The following SRGAP2B variants were observed in gnomAD, a reference collection of about 807,000 sequenced individuals.
SRGAP2B encodes the protein SLIT-ROBO Rho GTPase activating protein 2B.
A neutral mutation model predicts 22.2 loss-of-function variants in SRGAP2B; 9 were observed. The observed-to-expected ratio is 0.41, with a 90% CI of 0.24 to 0.71. The LOEUF is 0.71. Ranked by LOEUF, SRGAP2B falls within the 30% of genes least tolerant of loss-of-function variation. The pLI is 0.35. For missense variants in SRGAP2B, 114 were observed against 235.8 expected, an observed-to-expected ratio of 0.48 and a Z score of 3.38; for synonymous variants, 36 against 87.4, an observed-to-expected ratio of 0.41 and a Z score of 3.28.
At chr1:144,965,220 G>C in intron 3 of SRGAP2B, 2 of 806,860 alleles carry the variant, frequency 2.5e-6, no homozygotes, top group Non-Finnish European at 4.2e-6. Context: ...CGACACAGAA[G>C]ACGGGTGATT....
chr1:145,056,946 A>T (rs1408429458), intron 2 of SRGAP2B, among the ~76,000 whole-genome samples: 2 of 137,796 alleles, frequency 1.5e-5, no homozygotes, highest in Non-Finnish European at 3.1e-5. Context: ...GAGTTGAAGG[A>T]GATAAAACAC....
At chr1:144,921,269 C>CAAAAAAA (rs3975927) in intron 4 of SRGAP2B, among the ~76,000 whole-genome samples, 2 of 62,314 alleles carry the variant, frequency 3.2e-5, no homozygotes, top group Admixed American at 2.4e-4. Context: ...TCTAGCTTGC[C>CAAAAAAA]AAAAAAAAAA....
At chr1:144,997,370 GCA>G (rs1670771569) in intron 2 of SRGAP2B, among the ~76,000 whole-genome samples, 1 of 150,778 alleles carries the variant, frequency 6.6e-6, no homozygotes. Flanking sequence ...GGTGGAGCTT[GCA>G]CTGAGCAGAG....
intron 2 of SRGAP2B, among the ~76,000 whole-genome samples, chr1:145,044,389 T>C (rs1553628209): frequency 7.8e-6 from 1 of 128,310 alleles, no homozygotes; most frequent in Non-Finnish European, 1.6e-5. Flanking sequence ...CTCATTACGA[T>C]ATTCAGGAAA....
chr1:145,009,453 T>TGG (rs1671876916), intron 2 of SRGAP2B, among the ~76,000 whole-genome samples: 1 of 146,722 alleles, frequency 6.8e-6, no homozygotes, highest in South Asian at 2.1e-4. Flanking sequence ...CCGGGCGTAG[T>TGG]GGCGGGCGCC....
intron 2 of SRGAP2B, among the ~76,000 whole-genome samples, chr1:145,001,705 C>A (rs1671176809): frequency 6.7e-6 from 1 of 149,520 alleles, no homozygotes; most frequent in African/African-American, 2.5e-5. Context: ...TCTTTTTCTG[C>A]ATTACTTTAC....
chr1:145,016,905 G>T (rs1672464464), intron 2 of SRGAP2B, among the ~76,000 whole-genome samples: 1 of 147,180 alleles, frequency 6.8e-6, no homozygotes, highest in African/African-American at 2.6e-5. Context: ...CTGGAGTGCA[G>T]TGGTGCGATC....
intron 4 of SRGAP2B, among the ~76,000 whole-genome samples, chr1:144,944,586 CAAAAAAAAAAA>C (rs3061760): frequency 5.6e-5 from 1 of 17,918 alleles, no homozygotes; most frequent in Non-Finnish European, 9.8e-5. Flanking sequence ...GTCTCCATCT[CAAAAAAAAAAA>C]AAAAAAAAAA....
At chr1:144,911,500 ACT>A (rs2101725967) in intron 5 of SRGAP2B, among the ~76,000 whole-genome samples, 1 of 148,070 alleles carries the variant, frequency 6.8e-6, no homozygotes, top group African/African-American at 2.6e-5. Context: ...GTCCCAGGAA[ACT>A]CTTCAGTACT....
chr1:144,891,979 CT>C (rs1662135760), exon 10 of SRGAP2B: 2 of 455,380 alleles, frequency 4.4e-6, no homozygotes, highest in African/African-American at 6.7e-5. Context: ...AGCATCCTTT[CT>C]CTTGGGCGGA....
intron 2 of SRGAP2B, among the ~76,000 whole-genome samples, chr1:145,057,414 TCA>T (rs1272721215): frequency 1.2e-5 from 1 of 84,772 alleles, no homozygotes; most frequent in Non-Finnish European, 2.3e-5. Context: ...GCCCACTTCA[TCA>T]CAGAGACCAG....
In SRGAP2B at chr1:145,021,554, A is replaced by G. The variant is rs1312976423; in HGVS notation, c.68-26354T>C. Among the ~76,000 whole-genome samples the G allele has an allele frequency of 2.5e-3, 268 of 109,246 alleles. 1 individual carries two copies. The highest frequency in any genetic ancestry group is 4.1e-3 in the Non-Finnish European group (232 of 55,906). The allele number at this position is 109,246 out of a possible 152,430, so 71.7% of individuals were successfully genotyped here. ...CAAGATCCGAAACCAAATTTATCCA[A>G]TAGCCAGACTGTGAAAGTCACCAAA... is the stretch of plus-strand genomic sequence containing the variant. On this transcript the variant is annotated intron_variant, in intron 2 of 9. Coordinates refer to ENST00000612199, the Ensembl canonical transcript of SRGAP2B.
At chr1:145,076,258 C>T (rs1652496772) in intron 2 of SRGAP2B, among the ~76,000 whole-genome samples, 1 of 149,232 alleles carries the variant, frequency 6.7e-6, no homozygotes, top group Admixed American at 6.7e-5. Flanking sequence ...AACCCCTGGG[C>T]TCAAGAGATT....
intron 2 of SRGAP2B, among the ~76,000 whole-genome samples, chr1:145,001,763 G>C (rs1255562507): frequency 4.0e-5 from 6 of 150,754 alleles, no homozygotes; most frequent in Non-Finnish European, 5.9e-5. Flanking sequence ...GCTCACCCCT[G>C]TAATCCCGGG....
At chr1:144,976,117 T>G (rs1553614145) in intron 3 of SRGAP2B, among the ~76,000 whole-genome samples, 1 of 148,232 alleles carries the variant, frequency 6.7e-6, no homozygotes, top group Non-Finnish European at 1.5e-5. Context: ...CCTGACCTCA[T>G]GATCGGCCCG....
At chr1:145,002,121 G>A (rs587684268) in intron 2 of SRGAP2B, among the ~76,000 whole-genome samples, 14 of 82,836 alleles carry the variant, frequency 1.7e-4, no homozygotes, top group African/African-American at 7.5e-4. Context: ...CCCCACTCTC[G>A]GTCCACATGC....
At chr1:145,061,594 T>C (rs1553631464) in intron 2 of SRGAP2B, among the ~76,000 whole-genome samples, 4 of 150,094 alleles carry the variant, frequency 2.7e-5, no homozygotes, top group African/African-American at 1.0e-4. Context: ...TTCACTTTTT[T>C]TTCCCCCCTC....
In SRGAP2B at chr1:145,009,354, C is replaced by T. The variant is rs587607847; in HGVS notation, c.68-14154G>A. Among the ~76,000 whole-genome samples the T allele has an allele frequency of 1.0e-4, 15 of 149,704 alleles. 1 individual carries two copies. In the East Asian group the frequency reaches 2.0e-3, roughly 20 times the overall value. On this transcript the variant is annotated intron_variant, in intron 2 of 9. Transcript: ENST00000612199. ...CTGTAATCCCAGCACTTTGGGAGGC[C>T]GAGGCGGGCGGATCACGAGGTCAGG...
intron 2 of SRGAP2B, among the ~76,000 whole-genome samples, chr1:145,090,055 A>T (rs1553636076): frequency 6.8e-6 from 1 of 146,534 alleles, no homozygotes; most frequent in East Asian, 1.9e-4. Flanking sequence ...TTAACAACCA[A>T]ACCAAACTGC....
Sources: gnomAD v4.1 joint callset for allele counts (sites outside exome capture counted in the v4.1 genomes callset) on GRCh38, gnomAD v4.1.1 for gene constraint, MANE v1.5 for transcripts, NCBI Gene and HGNC (gene_info 2026-07-23, HGNC 2026-07-21) for gene names.